Variants in CLPTM1L observed in about 807,000 individuals in gnomAD.
CLPTM1L encodes the protein CLPTM1 like.
A neutral mutation model predicts 70.9 loss-of-function variants in CLPTM1L; 38 were observed. The ratio of observed to expected loss-of-function variants is 0.54; its 90% CI spans 0.41 to 0.70. The LOEUF is 0.70. Among genes scored for constraint, CLPTM1L ranks in the 30% least tolerant of loss-of-function variants. The pLI, the probability that CLPTM1L is intolerant of heterozygous loss-of-function variation, is 0.00. For missense variants in CLPTM1L, 652 were observed against 705.9 expected (o/e 0.92, Z 0.87); for synonymous variants, 339 against 299.9 (o/e 1.13, Z -1.35).
rs1174726267 is a variant in CLPTM1L, at chr5:1,318,287, G to A, written c.*82C>T. 5 of 1,151,324 alleles carry A rather than the reference G, an allele frequency of 4.3e-6. No individual in the cohort carries two copies. In the African/African-American group the frequency reaches 4.5e-5, roughly 10 times the overall value. The allele number at this position is 1,151,324 out of a possible 1,614,324, so 71.3% of individuals were successfully genotyped here. ...ATTTTGGCAACACAGAAAACGCAAT[G>A]TCTAGGAATTCCTCCAAATGCTTCC... On this transcript the variant is annotated 3_prime_UTR_variant, in exon 17 of 17. Coordinates refer to ENST00000320895, the MANE Select transcript of CLPTM1L (RefSeq NM_030782.5). The surrounding 1 kb of genome is among the most constrained non-coding windows in gnomAD (Gnocchi z 8.9).
At chr5:1,324,478 G>A (rs529890128) in intron 11 of CLPTM1L, among the ~76,000 whole-genome samples, 30 of 152,360 alleles carry the variant, frequency 2.0e-4, no homozygotes, top group African/African-American at 6.7e-4. Flanking sequence ...CATGGCCTGC[G>A]TCAGCTGCCT....
At chr5:1,334,762 C>G (rs1429810333) in intron 6 of CLPTM1L, among the ~76,000 whole-genome samples, 1 of 151,866 alleles carries the variant, frequency 6.6e-6, no homozygotes, top group Non-Finnish European at 1.5e-5. Context: ...TCAAAACAAA[C>G]AAACAAACAA....
At chr5:1,326,107 A>G (rs1484579829) in intron 9 of CLPTM1L, 1 of 410,822 alleles carries the variant, frequency 2.4e-6, no homozygotes. Context: ...CACCCAAATA[A>G]GCCCCCACCT....
chr5:1,324,688 T>C lies in CLPTM1L; in HGVS notation c.1197+75A>G, dbSNP rs1490760297. 5.3e-5 allele frequency: 72 copies of C among 1,349,804 alleles called. 1 individual carries two copies. In the East Asian group the frequency reaches 1.6e-3, roughly 29 times the overall value. The allele number at this position is 1,349,804 out of a possible 1,614,324, so 83.6% of individuals were successfully genotyped here. ...CCAAGGAGACTTCCGCACTGAGCAA[T>C]GACAGTAAAAGACCCGTCTTTGAGG... is the stretch of plus-strand genomic sequence containing the variant. On this transcript the variant is annotated intron_variant, in intron 11 of 16. Transcript: ENST00000320895.
At chr5:1,321,314 T>C (rs578144605) in intron 15 of CLPTM1L, among the ~76,000 whole-genome samples, 1 of 152,358 alleles carries the variant, frequency 6.6e-6, no homozygotes, top group Non-Finnish European at 1.5e-5. Flanking sequence ...CCTGAATCCG[T>C]TGTCCCCAGG....
intron 4 of CLPTM1L, 27 bp from the exon 5 acceptor site, chr5:1,338,009 G>A: frequency 1.9e-6 from 3 of 1,573,784 alleles, no homozygotes; most frequent in African/African-American, 1.3e-5. Flanking sequence ...ACTTTCCAAA[G>A]TCAGCACCAA....
Position 1,338,888 on chromosome 5 carries a change from G to A in CLPTM1L, c.571C>T (p.Pro191Ser). The A allele has an allele frequency of 6.2e-7, 1 of 1,613,330 alleles. No individual in the cohort carries two copies. Among genetic ancestry groups the A allele is most frequent in the Non-Finnish European group, 8.5e-7 (1 of 1,180,050 alleles). Reference sequence around the variant, plus strand: ...TTCATGTACCGATGCACATCGGCAGGCAGGGAGGACCCGTCAAAGACAAAG... The same window carrying A: ...TTCATGTACCGATGCACATCGGCAGACAGGGAGGACCCGTCAAAGACAAAG... ...DNFVFDGSSLPADVHRYMKMI... is the reference protein window; with the variant it reads ...DNFVFDGSSLSADVHRYMKMI... Residue 191 changes from proline to serine, a missense_variant, in exon 4 of 17, where the codon CCT becomes TCT. Transcript: ENST00000320895.
intron 7 of CLPTM1L, among the ~76,000 whole-genome samples, chr5:1,333,419 G>A (rs200898413): frequency 0.12 from 1,500 of 12,260 alleles, no homozygotes; most frequent in East Asian, 0.37. Flanking sequence ...ATACACACAC[G>A]GGATGAGGAT....
chr5:1,344,234 C>A, intron 2 of CLPTM1L, 117 bp downstream of exon 2: 1 of 741,862 alleles, frequency 1.3e-6, no homozygotes, highest in Non-Finnish European at 2.4e-6. Context: ...CACTTCAAGA[C>A]ATTCGGTAAG....
intron 8 of CLPTM1L, 47 bp downstream of exon 8, chr5:1,331,752 C>T (rs1272610318): frequency 6.5e-7 from 1 of 1,549,056 alleles, no homozygotes; most frequent in African/African-American, 1.4e-5. Context: ...CTCCAGTGAG[C>T]TCCCTGGGGC....
At chr5:1,335,420 C>G (rs1753510262) in intron 5 of CLPTM1L, among the ~76,000 whole-genome samples, 1 of 152,266 alleles carries the variant, frequency 6.6e-6, no homozygotes, top group Admixed American at 6.5e-5. Context: ...GCAGCGCTAG[C>G]AGTGCCTGGT....
chr5:1,324,874 G>C (rs1752420902), intron 10 of CLPTM1L, 61 bp from the exon 11 acceptor site: 1 of 1,501,686 alleles, frequency 6.7e-7, no homozygotes, highest in African/African-American at 1.4e-5. Flanking sequence ...GCACAGCTGA[G>C]CTGTGACTAA....
chr5:1,338,287 C>CGCACTGACACGGAGCAATCCCAGGAT (rs1380080622), intron 4 of CLPTM1L: 4 of 444,482 alleles, frequency 9.0e-6, no homozygotes, highest in African/African-American at 6.0e-5. Flanking sequence ...GGGCCCTCTG[C>CGCACTGACACGGAGCAATCCCAGGAT]GCACTGACAC....
chr5:1,324,161 C>A, intron 11 of CLPTM1L: 1 of 438,712 alleles, frequency 2.3e-6, no homozygotes, highest in South Asian at 5.8e-5. Context: ...GATCAATAAA[C>A]ATAATGGAAA....
chr5:1,335,195 G>A (rs762060593), intron 5 of CLPTM1L, 21 bp from the exon 6 acceptor site: 4 of 1,595,326 alleles, frequency 2.5e-6, no homozygotes, highest in South Asian at 2.2e-5. Flanking sequence ...AAGCCACACT[G>A]AGGGCCCTGC....
In CLPTM1L at chr5:1,318,395, CCTT is replaced by C. The variant is rs1351120750; in HGVS notation, c.1588_1590del (p.Lys530del). On this transcript the variant is annotated inframe_deletion, in exon 17 of 17. Transcript: ENST00000320895. This position sits in a 1 kb window ranked among gnomAD's most constrained non-coding sequence, Gnocchi z 8.9. ...CAGTCCGTGTGGGGCGCCCGCGTGGCCTTCTCCTCGTAGGACTCCCCAAACTCG... is the reference window on the plus strand; with the variant it reads ...CAGTCCGTGTGGGGCGCCCGCGTGGCCTCCTCGTAGGACTCCCCAAACTCG... 6.2e-7 allele frequency: 1 copy of C among 1,613,702 alleles called. No homozygotes were observed. The highest frequency in any genetic ancestry group is 2.2e-5 in the East Asian group (1 of 44,902).
intron 2 of CLPTM1L, among the ~76,000 whole-genome samples, chr5:1,343,116 G>C (rs140105012): frequency 6.6e-6 from 1 of 152,118 alleles, no homozygotes; most frequent in Middle Eastern, 3.2e-3. Context: ...CCTTGAACCC[G>C]GGAACCGGAG....
At chr5:1,333,034 G>A (rs1417941259) in intron 7 of CLPTM1L, among the ~76,000 whole-genome samples, 1 of 130,052 alleles carries the variant, frequency 7.7e-6, no homozygotes, top group Admixed American at 7.9e-5. Flanking sequence ...CGGATAAGGG[G>A]GGACTACTGT....
chr5:1,325,380 G>T, intron 10 of CLPTM1L: 1 of 294,756 alleles, frequency 3.4e-6, no homozygotes, highest in Non-Finnish European at 6.3e-6. Flanking sequence ...TCAGGGCAGG[G>T]GCTCACTCAC....
Sources: gnomAD v4.1 joint callset for allele counts (sites outside exome capture counted in the v4.1 genomes callset) on GRCh38, gnomAD v4.1.1 for gene constraint, Gnocchi (gnomAD v3.1) non-coding constraint, MANE v1.5 for transcripts, NCBI Gene and HGNC (gene_info 2026-07-23, HGNC 2026-07-21) for gene names.